The following PKIB variants were observed in gnomAD, a reference collection of about 807,000 sequenced individuals.
The protein encoded by PKIB is cAMP-dependent protein kinase inhibitor beta, also known as PKI-beta.
Under a neutral mutation model 4.5 loss-of-function variants are expected in PKIB, and 2 were observed. That is an observed-to-expected ratio of 0.44 (90% CI 0.18 to 1.39). The LOEUF (loss-of-function observed/expected upper bound fraction) is 1.39, where lower values mean the gene tolerates loss of function less well. PKIB is among the 40% of genes most tolerant of loss of function. The pLI is 0.27. For synonymous variants in PKIB, 38 were observed against 36.0 expected, an observed-to-expected ratio of 1.06 and a Z score of -0.20; for missense variants, 94 against 92.6, an observed-to-expected ratio of 1.02 and a Z score of -0.06.
At chr6:122,654,326 G>A (rs1198615181) in intron 2 of PKIB, among the ~76,000 whole-genome samples, 1 of 152,162 alleles carries the variant, frequency 6.6e-6, no homozygotes, top group Non-Finnish European at 1.5e-5. Context: ...CATAGTACAG[G>A]ATAGATGCAA....
chr6:122,601,733 C>T (rs1774373960), intron 3 of PKIB, among the ~76,000 whole-genome samples: 1 of 152,042 alleles, frequency 6.6e-6, no homozygotes, highest in Non-Finnish European at 1.5e-5. Flanking sequence ...CTAACATTTT[C>T]TTTTGTCTGG....
At chr6:122,716,080 C>A (rs991766571) in intron 3 of PKIB, among the ~76,000 whole-genome samples, 3 of 152,034 alleles carry the variant, frequency 2.0e-5, no homozygotes, top group African/African-American at 7.2e-5. Context: ...AAGAGGTCTT[C>A]CCAATAGGAA....
chr6:122,630,684 A>G (rs1775658259), intron 1 of PKIB, among the ~76,000 whole-genome samples: 1 of 152,208 alleles, frequency 6.6e-6, no homozygotes, highest in Non-Finnish European at 1.5e-5. Context: ...GATTTTAACT[A>G]TAATTTTTAA....
intron 2 of PKIB, among the ~76,000 whole-genome samples, chr6:122,540,804 G>A (rs1261623806): frequency 6.6e-6 from 1 of 151,810 alleles, no homozygotes; most frequent in African/African-American, 2.4e-5. Context: ...CATTATTATT[G>A]TGTGGGAGTC....
chr6:122,554,987 G>T (rs1772795352), intron 2 of PKIB, among the ~76,000 whole-genome samples: 1 of 152,168 alleles, frequency 6.6e-6, no homozygotes. Flanking sequence ...GATGGGCAAA[G>T]CAGAAGGTAA....
chr6:122,684,575 T>C (rs1485899750), intron 3 of PKIB, among the ~76,000 whole-genome samples: 1 of 152,134 alleles, frequency 6.6e-6, no homozygotes. Flanking sequence ...GAAACCACCA[T>C]TATCTTATAA....
intron 2 of PKIB, among the ~76,000 whole-genome samples, chr6:122,544,918 G>A (rs1379635937): frequency 6.6e-6 from 1 of 152,052 alleles, no homozygotes; most frequent in Non-Finnish European, 1.5e-5. Flanking sequence ...TTAGGGAAAT[G>A]CAAATCAAAA....
intron 2 of PKIB, among the ~76,000 whole-genome samples, chr6:122,634,070 T>A (rs1242413875): frequency 6.6e-6 from 1 of 152,082 alleles, no homozygotes; most frequent in African/African-American, 2.4e-5. Context: ...GCAGTCTTAT[T>A]AGTATTTCAT....
intron 2 of PKIB, among the ~76,000 whole-genome samples, chr6:122,516,448 G>A (rs1382074237): frequency 6.6e-6 from 1 of 152,158 alleles, no homozygotes; most frequent in Non-Finnish European, 1.5e-5. Context: ...ACTTGTTCGA[G>A]TTCTTGCCTT....
At chr6:122,508,221 G>A (rs1216720645) in intron 2 of PKIB, among the ~76,000 whole-genome samples, 3 of 152,296 alleles carry the variant, frequency 2.0e-5, no homozygotes, top group East Asian at 1.9e-4. Context: ...AGTCTTGCTG[G>A]TTTGGCAAGT....
At chr6:122,502,142 C>T (rs1776258793) in intron 2 of PKIB, among the ~76,000 whole-genome samples, 2 of 151,634 alleles carry the variant, frequency 1.3e-5, no homozygotes, top group South Asian at 2.1e-4. Context: ...ATGTCTATAT[C>T]ACTATCAGCA....
chr6:122,572,756 T>C (rs1441677238), intron 2 of PKIB, among the ~76,000 whole-genome samples: 1 of 151,598 alleles, frequency 6.6e-6, no homozygotes, highest in African/African-American at 2.4e-5. Flanking sequence ...GAGAGAACAT[T>C]CAAATAAGCT....
intron 3 of PKIB, among the ~76,000 whole-genome samples, chr6:122,713,848 T>A (rs1779368551): frequency 6.6e-6 from 1 of 152,210 alleles, no homozygotes; most frequent in Non-Finnish European, 1.5e-5. Context: ...AGAATTTTTA[T>A]TATTTGTATA....
At position 122,656,006 on chromosome 6, in the gene PKIB, C is replaced by T. The variant is rs368481712; in HGVS notation, c.-75-19072C>T. On this transcript the variant is annotated intron_variant, in intron 2 of 4. Transcript: ENST00000368452. ...ATATTATATTTTTGTATTTTTTTCT[C>T]CCCTTGATAATAATTTATCTTTTAT... Among the ~76,000 whole-genome samples, 4 of 152,024 alleles carry T rather than the reference C, an allele frequency of 2.6e-5. No individual in the cohort carries two copies. In the East Asian group the frequency reaches 5.8e-4, roughly 22 times the overall value.
chr6:122,510,913 G>T lies in PKIB; in HGVS notation c.-248+32974G>T, dbSNP rs556355825. On this transcript the variant is annotated intron_variant, in intron 2 of 6. Coordinates refer to the PKIB transcript ENST00000392491. ...GCCGAGTCATGGCGAGCCAAGTCTTGGGCTCCCTCTCCTAGAAGGTGGCCA... is the reference window on the plus strand; with the variant it reads ...GCCGAGTCATGGCGAGCCAAGTCTTTGGCTCCCTCTCCTAGAAGGTGGCCA... Among the ~76,000 whole-genome samples the T allele has an allele frequency of 3.9e-5, 6 of 152,190 alleles. No homozygotes were observed. The South Asian group carries it at 1.2e-3, about 32-fold the overall frequency.
chr6:122,540,987 G>A (rs1777578061), intron 2 of PKIB, among the ~76,000 whole-genome samples: 1 of 151,294 alleles, frequency 6.6e-6, no homozygotes, highest in Non-Finnish European at 1.5e-5. Flanking sequence ...TGTTTTATCA[G>A]AGACTAGGAT....
intron 2 of PKIB, among the ~76,000 whole-genome samples, chr6:122,511,563 C>T (rs1165967505): frequency 6.6e-6 from 1 of 152,100 alleles, no homozygotes; most frequent in Non-Finnish European, 1.5e-5. Context: ...GGGCACCACC[C>T]ATAGGGTACC....
Position 122,512,723 on chromosome 6 carries a change from T to C in PKIB, c.-248+34784T>C, listed in dbSNP as rs180998053. Among the ~76,000 whole-genome samples, 44 of 152,256 alleles carry C rather than the reference T, an allele frequency of 2.9e-4. No individual in the cohort carries two copies. The East Asian group carries it at 7.9e-3, about 27-fold the overall frequency. ...CACACTGAGACTGTTGTTTTTCTTA[T>C]AGTAGAAAAATATTCCTTGACATTT... On this transcript the variant is annotated intron_variant, in intron 2 of 6. Coordinates refer to the PKIB transcript ENST00000392491.
chr6:122,642,785 A>G (rs1360142687), intron 2 of PKIB, among the ~76,000 whole-genome samples: 1 of 152,200 alleles, frequency 6.6e-6, no homozygotes, highest in Admixed American at 6.5e-5. Flanking sequence ...ATTAAAACAT[A>G]GCCTGAAACT....
Sources: allele counts gnomAD v4.1 joint callset (sites outside exome capture counted in the v4.1 genomes callset), GRCh38; gene constraint gnomAD v4.1.1; transcripts MANE v1.5; gene names NCBI Gene and HGNC (gene_info 2026-07-23, HGNC 2026-07-21).